Variants in FMN2 observed in about 807,000 individuals in gnomAD.
FMN2 encodes the protein formin-2.
A neutral mutation model predicts 142.3 loss-of-function variants in FMN2; 51 were observed. That is an observed-to-expected ratio of 0.36 (90% CI 0.29 to 0.45). The LOEUF (loss-of-function observed/expected upper bound fraction) is 0.45. FMN2 is among the 20% of genes least tolerant of loss of function. FMN2 has a pLI of 1.00. For synonymous variants in FMN2, 882 were observed against 869.8 expected (o/e 1.01, Z -0.25); for missense variants, 1,936 against 2,122.8 (o/e 0.91, Z 1.73).
chr1:240,144,048 T>A (rs1481405885), intron 2 of FMN2: 1 of 1,115,240 alleles, frequency 9.0e-7, no homozygotes, highest in Non-Finnish European at 1.4e-6. Context: ...GCAAGAAGAA[T>A]TCCTGACTTA....
intron 14 of FMN2, among the ~76,000 whole-genome samples, chr1:240,365,202 T>C (rs1672623508): frequency 7.2e-6 from 1 of 138,246 alleles, no homozygotes; most frequent in East Asian, 2.1e-4. Flanking sequence ...TACATATGTG[T>C]GTGTATATAT....
intron 5 of FMN2, among the ~76,000 whole-genome samples, chr1:240,209,070 T>G (rs1666572636): frequency 6.6e-6 from 1 of 152,154 alleles, no homozygotes; most frequent in African/African-American, 2.4e-5. Context: ...GCTACTTATT[T>G]ATGCCTAAAT....
chr1:240,325,016 T>C (rs1248851792), intron 8 of FMN2, among the ~76,000 whole-genome samples: 1 of 152,136 alleles, frequency 6.6e-6, no homozygotes, highest in Admixed American at 6.5e-5. Context: ...CACTACCATC[T>C]TTGTGCATGT....
rs544607096 is a variant in FMN2 at position 240,438,324 on chromosome 1, G to A, written c.5060+114G>A. ...GAAAAAATTAGATGGCCCTCAACCC[G>A]GGGTAGCAAGTTGAAGAGGATGCTG... On this transcript the variant is annotated intron_variant, in intron 16 of 17. Coordinates refer to ENST00000319653, the MANE Select transcript of FMN2 (RefSeq NM_020066.5). 4.3e-4 allele frequency: 495 copies of A among 1,158,474 alleles called. 2 individuals carry two copies. In the South Asian group the frequency reaches 5.8e-3, roughly 14 times the overall value. 71.8% of individuals were successfully genotyped at this position (1,158,474 alleles called of 1,614,324 possible).
At chr1:240,274,899 G>A (rs779241082) in intron 7 of FMN2, among the ~76,000 whole-genome samples, 30 of 152,086 alleles carry the variant, frequency 2.0e-4, no homozygotes, top group Admixed American at 7.2e-4. Context: ...GAAAGAGCAG[G>A]TTTGGGAGCG....
At chr1:240,336,848 G>C (rs1671581543) in intron 13 of FMN2, among the ~76,000 whole-genome samples, 1 of 151,940 alleles carries the variant, frequency 6.6e-6, no homozygotes, top group African/African-American at 2.4e-5. Context: ...CAAACTCTGA[G>C]GATTAAAAAC....
chr1:240,193,264 C>T (rs533889371), intron 4 of FMN2, among the ~76,000 whole-genome samples: 2 of 151,614 alleles, frequency 1.3e-5, no homozygotes, highest in African/African-American at 4.9e-5. Flanking sequence ...ATCTGCTGAC[C>T]TACTGTGTGC....
intron 6 of FMN2, among the ~76,000 whole-genome samples, chr1:240,228,959 TGAG>T (rs1024268932): frequency 2.4e-4 from 37 of 152,150 alleles, no homozygotes; most frequent in African/African-American, 8.7e-4. Flanking sequence ...ATTTTTCTCT[TGAG>T]GAGTCTGGGC....
intron 16 of FMN2, among the ~76,000 whole-genome samples, chr1:240,443,960 A>G (rs1261721073): frequency 2.6e-5 from 4 of 152,120 alleles, no homozygotes; most frequent in Admixed American, 2.0e-4. Flanking sequence ...AGCTAGGATA[A>G]CAAGAGCTGT....
intron 4 of FMN2, among the ~76,000 whole-genome samples, chr1:240,201,798 T>G (rs1393147964): frequency 1.3e-5 from 2 of 152,208 alleles, no homozygotes; most frequent in Admixed American, 1.3e-4. Flanking sequence ...TCAGACCTTT[T>G]GCAGGAACTG....
At chr1:240,467,344 G>A (rs966806281) in intron 16 of FMN2, among the ~76,000 whole-genome samples, 19 of 150,162 alleles carry the variant, frequency 1.3e-4, no homozygotes, top group African/African-American at 4.7e-4. Flanking sequence ...GCATGATCTC[G>A]GCTCACTGCA....
At chr1:240,141,202 T>C (rs753522976) in intron 2 of FMN2, among the ~76,000 whole-genome samples, 5 of 152,196 alleles carry the variant, frequency 3.3e-5, no homozygotes, top group Admixed American at 6.5e-5. Flanking sequence ...TGGACATTTT[T>C]AGAGATCTTT....
intron 2 of FMN2, among the ~76,000 whole-genome samples, chr1:240,133,440 G>T (rs1319226128): frequency 2.0e-5 from 3 of 152,160 alleles, no homozygotes; most frequent in African/African-American, 7.2e-5. Context: ...CAAAGTGACG[G>T]GATTACAGGC....
chr1:240,283,317 C>T (rs941553105), intron 7 of FMN2, among the ~76,000 whole-genome samples: 5 of 152,202 alleles, frequency 3.3e-5, no homozygotes, highest in African/African-American at 1.2e-4. Context: ...GTCTGTTGCT[C>T]TTTTCTTTGC....
chr1:240,138,234 G>T (rs966248588), intron 2 of FMN2, among the ~76,000 whole-genome samples: 7 of 151,936 alleles, frequency 4.6e-5, no homozygotes, highest in African/African-American at 7.3e-5. Flanking sequence ...GGTCAGTCGC[G>T]TGTTTTAGAG....
rs148767702 is a variant in FMN2 at position 240,184,403 on chromosome 1, T to G, written c.1931-3804T>G. ...AGGTGCCCACCACCAGGCCGGCTCA[T>G]TTTTGTATTTTTAGTAGAGACGGGG... On this transcript the variant is annotated intron_variant, in intron 3 of 17. Coordinates refer to ENST00000319653, the MANE Select transcript of FMN2 (RefSeq NM_020066.5). 8.4e-3 allele frequency among the ~76,000 whole-genome samples: 1,269 copies of G among 151,674 alleles called. 16 individuals are homozygous for G. The highest frequency in any genetic ancestry group is 0.027 in the South Asian group (132 of 4,816).
At chr1:240,350,755 G>A (rs925429470) in intron 13 of FMN2, among the ~76,000 whole-genome samples, 2 of 152,140 alleles carry the variant, frequency 1.3e-5, no homozygotes, top group African/African-American at 4.8e-5. Flanking sequence ...CAAAGTTGAG[G>A]GGAGATTGAC....
At chr1:240,389,791 A>T (rs1673543077) in intron 14 of FMN2, among the ~76,000 whole-genome samples, 1 of 152,066 alleles carries the variant, frequency 6.6e-6, no homozygotes, top group Non-Finnish European at 1.5e-5. Context: ...CATCTCTACA[A>T]AAAATAGATT....
At chr1:240,300,654 T>C (rs1452078761) in intron 8 of FMN2, among the ~76,000 whole-genome samples, 1 of 152,200 alleles carries the variant, frequency 6.6e-6, no homozygotes, top group East Asian at 1.9e-4. Context: ...TACCTTCTTT[T>C]ACTCATTGTT....
Sources: gnomAD v4.1 joint callset for allele counts (sites outside exome capture counted in the v4.1 genomes callset) on GRCh38, gnomAD v4.1.1 for gene constraint, MANE v1.5 for transcripts, NCBI Gene and HGNC (gene_info 2026-07-23, HGNC 2026-07-21) for gene names.